The following ARHGEF37 variants were observed in gnomAD, a reference collection of about 807,000 sequenced individuals.
The protein encoded by ARHGEF37 is Rho guanine nucleotide exchange factor (GEF) 37.
In ARHGEF37, 55 loss-of-function variants were observed where a neutral mutation model predicts 71.1. That is an observed-to-expected ratio of 0.77 (90% CI 0.62 to 0.97). ARHGEF37 has a LOEUF of 0.97. Ranked by LOEUF, ARHGEF37 falls within the 50% of genes least tolerant of loss-of-function variation. The pLI is 0.00. For missense variants in ARHGEF37, 765 were observed against 836.8 expected (o/e 0.91, Z 1.06); for synonymous variants, 327 against 350.6 (o/e 0.93, Z 0.75).
chr5:149,558,604 C>T (rs1378663979), intron 1 of ARHGEF37, among the ~76,000 whole-genome samples: 3 of 151,772 alleles, frequency 2.0e-5, no homozygotes, highest in African/African-American at 4.8e-5. Context: ...GATCCTCCCT[C>T]CTCGGCCTCC....
rs181793998 is a variant in ARHGEF37 at position 149,625,967 on chromosome 5, G to A, written c.1465-1109G>A. On this transcript the variant is annotated intron_variant, in intron 10 of 12. Transcript: ENST00000333677. The stretch of plus-strand genomic sequence containing the variant: ...CTTGAGAAAGAAGGCCAGCATTTGT[G>A]ACACCACTGGCTCTTATACTCACAT... 2.0e-5 allele frequency among the ~76,000 whole-genome samples: 3 copies of A among 152,296 alleles called. No homozygotes were observed. In the East Asian group the frequency reaches 5.8e-4, roughly 29 times the overall value.
chr5:149,610,480 T>C (rs1347113332), intron 4 of ARHGEF37, among the ~76,000 whole-genome samples: 2 of 152,186 alleles, frequency 1.3e-5, no homozygotes, highest in Non-Finnish European at 2.9e-5. Flanking sequence ...AACATCAAAA[T>C]TTTTACAGTA....
chr5:149,604,201 G>A (rs1317848785), intron 3 of ARHGEF37, among the ~76,000 whole-genome samples: 2 of 152,114 alleles, frequency 1.3e-5, no homozygotes, highest in Non-Finnish European at 2.9e-5. Context: ...ATGTTACTTC[G>A]TCTCCTGATC....
chr5:149,620,692 A>G (rs7737611), intron 8 of ARHGEF37, among the ~76,000 whole-genome samples: 82,639 of 151,432 alleles, frequency 0.55, 22,872 homozygotes, highest in East Asian at 0.83. Flanking sequence ...TTAGCCGGGC[A>G]TGGCAGTGTG....
At chr5:149,580,289 GA>G (rs1763082039), upstream of ARHGEF37, among the ~76,000 whole-genome samples, 1 of 151,590 alleles carries the variant, frequency 6.6e-6, no homozygotes, top group Non-Finnish European at 1.5e-5. Flanking sequence ...TCGATCTCTT[GA>G]CCTCGTGATC....
Position 149,597,794 on chromosome 5 carries a change from C to T in ARHGEF37, c.25C>T (p.Pro9Ser). The T allele has an allele frequency of 6.4e-7, 1 of 1,568,822 alleles. No individual in the cohort carries two copies. The highest frequency in any genetic ancestry group is 2.0e-5 in the Admixed American group (1 of 49,900). Residue 9 changes from proline to serine, a missense_variant, in exon 2 of 13, where the codon CCA (proline) becomes TCA (serine). Physicochemically the swap from Pro to Ser is moderately conservative, Grantham distance 74 (BLOSUM62 -1). Around this residue, in one of 5 missense-constraint regions of ARHGEF37, gnomAD observed 201 missense variants for 217.5 expected, o/e 0.92. Transcript: ENST00000333677. MAKHGADE[P>S]SSRSGSPDRE... ...CATGGCCAAGCATGGAGCCGACGAG[C>T]CATCCTCCAGGTCAGGGAGTCCGGA...
rs1183213952 is a variant in ARHGEF37 at position 149,620,436 on chromosome 5, ACCTTCACCTTGAGG to A, written c.983_996del (p.His328ProfsTer4). 1.9e-6 allele frequency: 3 copies of A among 1,611,840 alleles called. No homozygotes were observed. The highest frequency in any genetic ancestry group is 2.5e-6 in the Non-Finnish European group (3 of 1,179,110). ...GTGCAGTATTGCAATTTGGCAAGAG[ACCTTCACCTTGAGG>A]CCTTCCTGAAATTTGTGAGTGGAAC... On this transcript the variant is annotated frameshift_variant, in exon 8 of 13. Coordinates refer to ENST00000333677, the MANE Select transcript of ARHGEF37 (RefSeq NM_001001669.3). LOFTEE classifies it high-confidence loss of function.
rs201683478 is a variant in ARHGEF37, at chr5:149,565,829, ATTTTTTTTTTTTTTTTTTT to A, written c.-12+13723_-12+13741del. Among the ~76,000 whole-genome samples the A allele has an allele frequency of 7.3e-4, 62 of 84,586 alleles. No individual in the cohort carries two copies. In the East Asian group the frequency reaches 8.2e-3, roughly 11 times the overall value. 55.5% of individuals were successfully genotyped at this position (84,586 alleles called of 152,430 possible). The stretch of plus-strand genomic sequence containing the variant: ...TAGCTTTGTAATGTCAGAAACTCTA[ATTTTTTTTTTTTTTTTTTT>A]TTTTTTTTTTTTTTTTGTGAGACAG... On this transcript the variant is annotated intron_variant, in intron 1 of 2. Coordinates refer to the ARHGEF37 transcript ENST00000505810.
intron 1 of ARHGEF37, among the ~76,000 whole-genome samples, chr5:149,591,954 C>A (rs931709890): frequency 1.8e-4 from 27 of 152,158 alleles, no homozygotes; most frequent in Non-Finnish European, 3.5e-4. Flanking sequence ...TTTATCAGGA[C>A]ATAACCTCAT....
At chr5:149,557,010 C>G (rs1473400045) in intron 1 of ARHGEF37, among the ~76,000 whole-genome samples, 1 of 152,212 alleles carries the variant, frequency 6.6e-6, no homozygotes, top group Non-Finnish European at 1.5e-5. Flanking sequence ...TGTTCTCCCC[C>G]TCTGCATTGT....
intron 1 of ARHGEF37, among the ~76,000 whole-genome samples, chr5:149,567,844 C>A (rs1447594857): frequency 6.6e-6 from 1 of 152,140 alleles, no homozygotes; most frequent in Non-Finnish European, 1.5e-5. Flanking sequence ...CTTTGAGGAT[C>A]CCTGGTTCCT....
In ARHGEF37 at chr5:149,570,339, C is replaced by A. The variant is rs186901029; in HGVS notation, c.-12+18216C>A. Among the ~76,000 whole-genome samples the A allele has an allele frequency of 1.4e-3, 212 of 149,082 alleles. 2 individuals carry two copies. Among genetic ancestry groups the A allele is most frequent in the African/African-American group, 5.2e-3 (207 of 40,144 alleles). ...CTGTAATCCCAGCACTTTGGGAGGC[C>A]GAGGTGGGTGGATCACCTGAGGTCA... On this transcript the variant is annotated intron_variant, in intron 1 of 2. Coordinates refer to the ARHGEF37 transcript ENST00000505810.
chr5:149,598,333 C>CTTCTTCTTCTT (rs1763625746), intron 2 of ARHGEF37, among the ~76,000 whole-genome samples: 10 of 74,102 alleles, frequency 1.3e-4, no homozygotes, highest in African/African-American at 5.0e-4. Context: ...TTCTTTCTTC[C>CTTCTTCTTCTT]TCTTCCTCTT....
chr5:149,598,319 C>CTTCTTCTTCTTT (rs1468428928), intron 2 of ARHGEF37, among the ~76,000 whole-genome samples: 1 of 147,866 alleles, frequency 6.8e-6, no homozygotes, highest in Non-Finnish European at 1.5e-5. Flanking sequence ...TCTTCTTCTT[C>CTTCTTCTTCTTT]TTCTTCTTTC....
chr5:149,582,599 CTA>C (rs766186204), intron 1 of ARHGEF37, among the ~76,000 whole-genome samples: 3 of 152,144 alleles, frequency 2.0e-5, no homozygotes, highest in African/African-American at 7.2e-5. Context: ...TATAGGGTGA[CTA>C]TAGTTTACAA....
At chr5:149,631,217 G>C (rs1462069035) in intron 12 of ARHGEF37, among the ~76,000 whole-genome samples, 3 of 148,224 alleles carry the variant, frequency 2.0e-5, no homozygotes, top group African/African-American at 7.5e-5. Context: ...TGTGGCCCAG[G>C]CTGGAGTGCA....
chr5:149,554,840 G>A (rs1762731490), intron 1 of ARHGEF37, among the ~76,000 whole-genome samples: 1 of 151,946 alleles, frequency 6.6e-6, no homozygotes, highest in African/African-American at 2.4e-5. Context: ...TGTAATGAAA[G>A]GAGTCTTTTA....
rs540691265 is a variant in ARHGEF37, at chr5:149,599,234, C to G, written c.186+1279C>G. ...CATCAAGCAGCAGGGGCTGGGGGAGCCAGCAGGGAGGACATACGCCCACAG... is the reference window on the plus strand; with the variant it reads ...CATCAAGCAGCAGGGGCTGGGGGAGGCAGCAGGGAGGACATACGCCCACAG... On this transcript the variant is annotated intron_variant, in intron 2 of 12. Transcript: ENST00000333677. Among the ~76,000 whole-genome samples the G allele has an allele frequency of 1.9e-4, 29 of 152,234 alleles. No homozygotes were observed. In the South Asian group the frequency reaches 4.1e-3, roughly 22 times the overall value.
At chr5:149,620,829 C>CAAAAAAAAAAAA (rs66996935) in intron 8 of ARHGEF37, among the ~76,000 whole-genome samples, 4,722 of 144,122 alleles carry the variant, frequency 0.033, 245 homozygotes, top group African/African-American at 0.11. Flanking sequence ...GACTCCTTCT[C>CAAAAAAAAAAAA]AAAAAAAGAA....
Sources: gnomAD v4.1 joint callset for allele counts (sites outside exome capture counted in the v4.1 genomes callset) on GRCh38, gnomAD v4.1.1 for gene constraint, gnomAD v4.1.1 regional missense constraint, MANE v1.5 for transcripts, NCBI Gene and HGNC (gene_info 2026-07-23, HGNC 2026-07-21) for gene names.